Variants in ZFAT observed in about 807,000 individuals in gnomAD.
ZFAT encodes the protein zinc finger protein ZFAT.
ZFAT carries 64 observed loss-of-function variants against 117.7 expected under a neutral mutation model. The observed-to-expected ratio is 0.54, with a 90% CI of 0.44 to 0.67. ZFAT has a LOEUF of 0.67. ZFAT is among the 30% of genes least tolerant of loss of function. The probability of loss-of-function intolerance (pLI) is 0.00; values close to 1 mark genes in which losing one functional copy is unlikely to be tolerated. For synonymous variants in ZFAT, 679 were observed against 615.0 expected, an observed-to-expected ratio of 1.10 and a Z score of -1.54; for missense variants, 1,433 against 1,584.5, an observed-to-expected ratio of 0.90 and a Z score of 1.62.
At chr8:134,623,820 G>A (rs1480406435) in intron 3 of ZFAT, among the ~76,000 whole-genome samples, 1 of 151,574 alleles carries the variant, frequency 6.6e-6, no homozygotes, top group Non-Finnish European at 1.5e-5. Flanking sequence ...AGTGCTCGAC[G>A]TCTCTGTAGC....
chr8:134,519,065 C>T (rs1353970465), intron 13 of ZFAT, among the ~76,000 whole-genome samples: 1 of 152,128 alleles, frequency 6.6e-6, no homozygotes, highest in Non-Finnish European at 1.5e-5. Context: ...GGATTCTCCT[C>T]TTATGGTTGT....
At chr8:134,553,967 T>C (rs1469653128) in intron 11 of ZFAT, among the ~76,000 whole-genome samples, 1 of 152,220 alleles carries the variant, frequency 6.6e-6, no homozygotes, top group Non-Finnish European at 1.5e-5. Context: ...CTGCACACTG[T>C]TGTTTCTCTC....
chr8:134,711,456 G>A (rs1664988518), intron 1 of ZFAT, among the ~76,000 whole-genome samples: 1 of 152,140 alleles, frequency 6.6e-6, no homozygotes, highest in African/African-American at 2.4e-5. Flanking sequence ...ACCTAAGACA[G>A]CACACCTGAA....
At chr8:134,628,940 A>C (rs1829702999) in intron 3 of ZFAT, among the ~76,000 whole-genome samples, 2 of 152,252 alleles carry the variant, frequency 1.3e-5, no homozygotes, top group African/African-American at 2.4e-5. Flanking sequence ...GCTTATTACT[A>C]AATAAATATT....
intron 1 of ZFAT, among the ~76,000 whole-genome samples, chr8:134,682,842 C>T (rs1363714053): frequency 6.6e-6 from 1 of 152,156 alleles, no homozygotes; most frequent in Non-Finnish European, 1.5e-5. Flanking sequence ...AGGCTGTAAG[C>T]CTGGCTTCTG....
the ZFAT span, among the ~76,000 whole-genome samples, chr8:134,733,358 A>G: frequency 1.3e-5 from 2 of 152,218 alleles, no homozygotes; most frequent in Non-Finnish European, 2.9e-5. Flanking sequence ...TTTTGGGGTC[A>G]TTGGAGTTTG....
chr8:134,832,094 G>A, the ZFAT span, among the ~76,000 whole-genome samples: 63 of 140,160 alleles, frequency 4.5e-4, no homozygotes, highest in African/African-American at 1.5e-3. Flanking sequence ...GCGGCCGGGG[G>A]AGAGGGCGCG....
intron 11 of ZFAT, among the ~76,000 whole-genome samples, chr8:134,543,971 C>G (rs74659671): frequency 0.02 from 3,032 of 152,218 alleles, 114 homozygotes; most frequent in African/African-American, 0.069. Context: ...TTTTCTTTAA[C>G]CTCAAGTTAT....
intron 1 of ZFAT, among the ~76,000 whole-genome samples, chr8:134,661,915 C>A (rs900143436): frequency 6.6e-6 from 1 of 152,156 alleles, no homozygotes; most frequent in Admixed American, 6.5e-5. Context: ...ATGGGGTCAG[C>A]ACGCAAGGAG....
At chr8:134,820,826 T>C in the ZFAT span, among the ~76,000 whole-genome samples, 4 of 152,222 alleles carry the variant, frequency 2.6e-5, no homozygotes, top group Non-Finnish European at 5.9e-5. Flanking sequence ...GCCTTCCTTA[T>C]GAAAAGTGCC....
At chr8:134,552,964 A>G (rs1041984520) in intron 11 of ZFAT, among the ~76,000 whole-genome samples, 4 of 152,358 alleles carry the variant, frequency 2.6e-5, no homozygotes, top group Non-Finnish European at 4.4e-5. Context: ...GGAATGAGCC[A>G]AAGGGCAAAC....
intron 1 of ZFAT, among the ~76,000 whole-genome samples, chr8:134,689,111 C>T (rs1410412461): frequency 6.6e-6 from 1 of 152,144 alleles, no homozygotes; most frequent in Non-Finnish European, 1.5e-5. Context: ...CTAAAGCACC[C>T]CTCACTGCCC....
the ZFAT span, chr8:134,795,766 T>C: frequency 6.6e-6 from 1 of 152,216 alleles, no homozygotes; most frequent in Non-Finnish European, 1.5e-5. Context: ...AGGGATGGAA[T>C]CGCAGGCAAC....
At chr8:134,814,578 G>C in the ZFAT span, among the ~76,000 whole-genome samples, 1 of 152,156 alleles carries the variant, frequency 6.6e-6, no homozygotes, top group Non-Finnish European at 1.5e-5. Context: ...TAACAGCCAA[G>C]GCAATATAAT....
the ZFAT span, among the ~76,000 whole-genome samples, chr8:134,751,799 G>A: frequency 2.3e-4 from 35 of 152,100 alleles, no homozygotes; most frequent in Non-Finnish European, 4.1e-4. Context: ...ATAAGAGAGA[G>A]AGAAGTAGCA....
chr8:134,615,322 G>A (rs901563501), intron 3 of ZFAT, among the ~76,000 whole-genome samples: 3 of 152,142 alleles, frequency 2.0e-5, no homozygotes, highest in African/African-American at 7.2e-5. Flanking sequence ...AAGTAGCTAG[G>A]ATTACAGGTG....
At chr8:134,684,168 C>A (rs779893926) in intron 1 of ZFAT, among the ~76,000 whole-genome samples, 1 of 152,050 alleles carries the variant, frequency 6.6e-6, no homozygotes, top group Non-Finnish European at 1.5e-5. Flanking sequence ...ACAGAGGAGA[C>A]GACCCAGCAC....
At chr8:134,692,121 G>A (rs1833615896) in intron 1 of ZFAT, among the ~76,000 whole-genome samples, 1 of 152,188 alleles carries the variant, frequency 6.6e-6, no homozygotes, top group Admixed American at 6.5e-5. Flanking sequence ...ACAGACGTAA[G>A]CCACCGTGCC....
intron 15 of ZFAT, among the ~76,000 whole-genome samples, chr8:134,483,042 A>G (rs1399408898): frequency 6.6e-6 from 1 of 152,252 alleles, no homozygotes. Context: ...GTTGCTTTAC[A>G]GAAGGGGTTC....
Sources: allele counts gnomAD v4.1 joint callset (sites outside exome capture counted in the v4.1 genomes callset), GRCh38; gene constraint gnomAD v4.1.1; transcripts MANE v1.5; gene names NCBI Gene and HGNC (gene_info 2026-07-23, HGNC 2026-07-21).